The following HMGA2 variants were observed in gnomAD, a reference collection of about 807,000 sequenced individuals.
HMGA2 encodes high mobility group protein HMGI-C.
In HMGA2, 8 loss-of-function variants were observed where a neutral mutation model predicts 19.1. That is an observed-to-expected ratio of 0.42 (90% confidence interval 0.25 to 0.76). The LOEUF is 0.76. HMGA2 is among the 30% of genes least tolerant of loss of function. The pLI is 0.28. For synonymous variants in HMGA2, 60 were observed against 48.8 expected, an observed-to-expected ratio of 1.23 and a Z score of -0.96; for missense variants, 109 against 136.3, an observed-to-expected ratio of 0.80 and a Z score of 1.00.
chr12:65,872,145 G>A (rs1478747106), intron 3 of HMGA2, among the ~76,000 whole-genome samples: 1 of 152,026 alleles, frequency 6.6e-6, no homozygotes. Context: ...CCTTCCTAGG[G>A]TCCCCCTACA....
intron 3 of HMGA2, among the ~76,000 whole-genome samples, chr12:65,937,340 G>A (rs1019730395): frequency 1.1e-4 from 16 of 152,228 alleles, no homozygotes; most frequent in African/African-American, 3.4e-4. Context: ...ACAGGGAGCC[G>A]GAAGAGCGGC....
intron 3 of HMGA2, among the ~76,000 whole-genome samples, chr12:65,890,433 A>T (rs1873852945): frequency 6.6e-6 from 1 of 152,170 alleles, no homozygotes; most frequent in Non-Finnish European, 1.5e-5. Context: ...TATTCTTGTG[A>T]TTTGATCAAT....
chr12:65,872,835 A>C (rs1480388410), intron 3 of HMGA2, among the ~76,000 whole-genome samples: 1 of 152,182 alleles, frequency 6.6e-6, no homozygotes, highest in African/African-American at 2.4e-5. Context: ...CATTCACCCA[A>C]GGAAGTCTGA....
chr12:65,933,964 A>G (rs1263007396), intron 3 of HMGA2, among the ~76,000 whole-genome samples: 1 of 152,172 alleles, frequency 6.6e-6, no homozygotes, highest in East Asian at 1.9e-4. Flanking sequence ...ATGAGTTCTC[A>G]GAAAAAGCCA....
intron 2 of HMGA2, 93 bp downstream of exon 2, chr12:65,828,180 A>G (rs1289048470): frequency 2.2e-6 from 2 of 911,860 alleles, no homozygotes; most frequent in African/African-American, 1.6e-5. Context: ...CGCAGCCAGG[A>G]ATTTGTCCCA....
intron 3 of HMGA2, among the ~76,000 whole-genome samples, chr12:65,908,187 A>T (rs1418558918): frequency 6.6e-6 from 1 of 152,100 alleles, no homozygotes; most frequent in African/African-American, 2.4e-5. Context: ...TGAAAAGCAC[A>T]CTTTACTTTA....
At chr12:65,937,191 T>A (rs904085546) in intron 3 of HMGA2, among the ~76,000 whole-genome samples, 1 of 152,140 alleles carries the variant, frequency 6.6e-6, no homozygotes, top group Middle Eastern at 3.2e-3. Flanking sequence ...TACCTGCACA[T>A]CTGGCAATAA....
In HMGA2 at chr12:65,963,376, T is replaced by A; in HGVS notation, c.*84T>A. 1.3e-6 allele frequency: 1 copy of A among 746,094 alleles called. No homozygotes were observed. The highest frequency in any genetic ancestry group is 1.5e-5 in the South Asian group (1 of 68,480). The allele number at this position is 746,094 out of a possible 1,614,324, so 46.2% of individuals were successfully genotyped here. A position where few individuals can be genotyped will look rare whatever the true frequency, so the allele number is the denominator to read the frequency against. Reference sequence around the variant, plus strand: ...CACTGCAGTGACCACTTATTCTGTATTGCCATGGTCTTTCCACTTTCATCT... The same window carrying A: ...CACTGCAGTGACCACTTATTCTGTAATGCCATGGTCTTTCCACTTTCATCT... On this transcript the variant is annotated 3_prime_UTR_variant, in exon 5 of 5. Transcript: ENST00000403681.
chr12:65,887,363 C>G (rs182798254), intron 3 of HMGA2, among the ~76,000 whole-genome samples: 1 of 152,150 alleles, frequency 6.6e-6, no homozygotes, highest in African/African-American at 2.4e-5. Context: ...TGAGATGGGT[C>G]GATCACCTGA....
chr12:65,856,301 C>T (rs1449219409), intron 3 of HMGA2: 1 of 152,132 alleles, frequency 6.6e-6, no homozygotes, highest in Non-Finnish European at 1.5e-5. Flanking sequence ...CCTTGGTCTT[C>T]CCATCTATAA....
At chr12:65,890,742 T>C (rs1873868508) in intron 3 of HMGA2, among the ~76,000 whole-genome samples, 1 of 149,430 alleles carries the variant, frequency 6.7e-6, no homozygotes, top group Non-Finnish European at 1.5e-5. Context: ...TTTTTTTTTT[T>C]GAGATGGAGT....
intron 3 of HMGA2, among the ~76,000 whole-genome samples, chr12:65,878,758 C>T (rs1873193187): frequency 6.6e-6 from 1 of 152,200 alleles, no homozygotes; most frequent in South Asian, 2.1e-4. Flanking sequence ...GCATCTAAGG[C>T]TCTAATGACT....
intron 3 of HMGA2, among the ~76,000 whole-genome samples, chr12:65,904,200 A>G (rs1315057297): frequency 6.6e-6 from 1 of 152,102 alleles, no homozygotes; most frequent in Non-Finnish European, 1.5e-5. Context: ...ATGGGTTGAG[A>G]GGCTGGGCCT....
chr12:65,933,025 A>G (rs1004996594), intron 3 of HMGA2, among the ~76,000 whole-genome samples: 5 of 152,072 alleles, frequency 3.3e-5, no homozygotes, highest in African/African-American at 1.2e-4. Context: ...TGTCCTATAT[A>G]TGCTAAGTTT....
intron 3 of HMGA2, among the ~76,000 whole-genome samples, chr12:65,904,203 C>A (rs1339611328): frequency 1.3e-5 from 2 of 152,098 alleles, no homozygotes; most frequent in East Asian, 3.8e-4. Context: ...GGTTGAGAGG[C>A]TGGGCCTAGA....
intron 3 of HMGA2, among the ~76,000 whole-genome samples, chr12:65,840,504 G>T (rs542403022): frequency 1.7e-4 from 26 of 152,172 alleles, no homozygotes; most frequent in Non-Finnish European, 2.9e-4. Context: ...GGATAATCAG[G>T]CTTCTTACAT....
At chr12:65,862,104 CA>C (rs886710487) in intron 3 of HMGA2, among the ~76,000 whole-genome samples, 50 of 152,152 alleles carry the variant, frequency 3.3e-4, no homozygotes, top group African/African-American at 1.2e-3. Context: ...CTCGGCCTCC[CA>C]AAGTGCTGGG....
At chr12:65,836,093 T>C (rs1870705836) in intron 2 of HMGA2, among the ~76,000 whole-genome samples, 1 of 152,094 alleles carries the variant, frequency 6.6e-6, no homozygotes, top group East Asian at 1.9e-4. Context: ...GAGAGGAAAC[T>C]AACTTGAAGA....
At chr12:65,922,810 C>T (rs1875364069) in intron 3 of HMGA2, among the ~76,000 whole-genome samples, 1 of 152,126 alleles carries the variant, frequency 6.6e-6, no homozygotes, top group South Asian at 2.1e-4. Context: ...ATAATTGAAT[C>T]ATGGGGGCCG....
Sources: gnomAD v4.1 joint callset for allele counts (sites outside exome capture counted in the v4.1 genomes callset) on GRCh38, gnomAD v4.1.1 for gene constraint, MANE v1.5 for transcripts, NCBI Gene and HGNC (gene_info 2026-07-23, HGNC 2026-07-21) for gene names.